PROSER3: variants seen among roughly 807,000 people sequenced by gnomAD.
PROSER3 encodes proline and serine-rich protein 3.
A neutral mutation model predicts 50.2 loss-of-function variants in PROSER3; 33 were observed. The ratio of observed to expected loss-of-function variants is 0.66; its 90% CI spans 0.50 to 0.88. The LOEUF (loss-of-function observed/expected upper bound fraction) is 0.88, where lower values mean the gene tolerates loss of function less well. Among genes scored for constraint, PROSER3 ranks in the 40% least tolerant of loss-of-function variants. The pLI, the probability that PROSER3 is intolerant of heterozygous loss-of-function variation, is 0.00. For synonymous variants in PROSER3, 266 were observed against 259.3 expected (o/e 1.03, Z -0.25); for missense variants, 623 against 612.7 (o/e 1.02, Z -0.18).
At chr19:35,758,487 G>A (rs1042676098) in intron 1 of PROSER3, 1 of 407,074 alleles carries the variant, frequency 2.5e-6, no homozygotes, top group African/African-American at 2.1e-5. Flanking sequence ...AGAAAGGCTT[G>A]AGATCTGAAT....
At chr19:35,761,592 C>T (rs2050706455) in intron 3 of PROSER3, among the ~76,000 whole-genome samples, 1 of 152,026 alleles carries the variant, frequency 6.6e-6, no homozygotes, top group Admixed American at 6.6e-5. Flanking sequence ...AACCAGGAGG[C>T]AGAGGTTGCA....
In PROSER3 at chr19:35,763,760, C is replaced by T. The variant is rs571316229; in HGVS notation, c.544-1094C>T. ...TGACCTTGTGATCCACCCACCTCGGCCTCCCAAAGTGCTAGGATTACAGGC... is the reference window on the plus strand; with the variant it reads ...TGACCTTGTGATCCACCCACCTCGGTCTCCCAAAGTGCTAGGATTACAGGC... On this transcript the variant is annotated intron_variant, in intron 5 of 10. Coordinates refer to ENST00000396908, the Ensembl canonical transcript of PROSER3. 5.3e-5 allele frequency among the ~76,000 whole-genome samples: 8 copies of T among 151,688 alleles called. No homozygotes were observed. The South Asian group carries it at 1.7e-3, about 32-fold the overall frequency.
rs1168929784 is a variant in PROSER3, at chr19:35,764,867, G to A, written c.557G>A (p.Trp186Ter). ...GTCACCCTGCAGAACCTCCACACAT[G>A]GAACTCATCCCTGCTGGACCTGGAG... is the stretch of plus-strand genomic sequence containing the variant. Residue 186 changes from tryptophan to a stop codon, truncating the protein, a stop_gained, in exon 6 of 11, where the codon TGG becomes TAG. Coordinates refer to ENST00000396908, the Ensembl canonical transcript of PROSER3. LOFTEE classifies it high-confidence loss of function. 6.2e-7 allele frequency: 1 copy of A among 1,613,540 alleles called. No homozygotes were observed. The highest frequency in any genetic ancestry group is 8.5e-7 in the Non-Finnish European group (1 of 1,179,748).
chr19:35,764,659 A>T (rs1328153220), intron 5 of PROSER3, among the ~76,000 whole-genome samples, 195 bp from the exon 6 acceptor site: 1 of 151,884 alleles, frequency 6.6e-6, no homozygotes, highest in Non-Finnish European at 1.5e-5. Context: ...AATCTCAAAA[A>T]AAAAAAGAAA....
intron 3 of PROSER3, 62 bp from the exon 4 acceptor site, chr19:35,761,957 T>A: frequency 6.7e-7 from 1 of 1,493,478 alleles, no homozygotes. Context: ...GCTGCTATAA[T>A]TATTCTTATT....
exon 3 of PROSER3, chr19:35,759,857 C>A: frequency 6.3e-7 from 1 of 1,581,434 alleles, no homozygotes; most frequent in Non-Finnish European, 8.6e-7. Context: ...CCACAGGTCC[C>A]AACTCCCCTG....
chr19:35,759,603 C>T, intron 2 of PROSER3, 133 bp downstream of exon 2: 2 of 1,017,016 alleles, frequency 2.0e-6, no homozygotes, highest in South Asian at 3.1e-5. Flanking sequence ...CTCCCCACGG[C>T]CCTGCCCTTG....
exon 5 of PROSER3, chr19:35,762,267 C>A: frequency 6.2e-7 from 1 of 1,611,826 alleles, no homozygotes; most frequent in East Asian, 2.2e-5. Flanking sequence ...AGCCAACAAA[C>A]CAGAAGGAAG....
chr19:35,762,427 G>A (rs1326066751), intron 5 of PROSER3, 71 bp downstream of exon 5: 2 of 1,395,134 alleles, frequency 1.4e-6, no homozygotes, highest in Admixed American at 4.0e-5. Context: ...AGAATTAGAA[G>A]ATCAGGAGCA....
chr19:35,759,643 C>T (rs866009234), intron 2 of PROSER3, 146 bp from the exon 3 acceptor site: 1 of 999,914 alleles, frequency 1.0e-6, no homozygotes, highest in Middle Eastern at 2.1e-4. Context: ...GATTCCCCAT[C>T]TGAGCCCCCA....
rs1175182614 is a variant in PROSER3 at position 35,762,365 on chromosome 19, C to G, written c.543+9C>G. ...TTCAGGAAATAAAGCAGGTGACATC[C>G]CCATTCACTCCCTCCCTTGGGTGCC... On this transcript the variant is annotated intron_variant, in intron 5 of 10. Coordinates refer to ENST00000396908, the Ensembl canonical transcript of PROSER3. The G allele has an allele frequency of 6.3e-7, 1 of 1,581,636 alleles. No individual in the cohort carries two copies. The highest frequency in any genetic ancestry group is 2.3e-5 in the East Asian group (1 of 43,348).
At chr19:35,768,304 A>G (rs1971241440) in intron 10 of PROSER3, 68 bp downstream of exon 10, 1 of 1,581,884 alleles carries the variant, frequency 6.3e-7, no homozygotes, top group Non-Finnish European at 8.6e-7. Flanking sequence ...CCGGTTAGGC[A>G]TCCAGCCCTC....
chr19:35,767,069 C>T lies in PROSER3; in HGVS notation c.957+114C>T, dbSNP rs1172492487. 9 of 1,289,108 alleles carry T rather than the reference C, an allele frequency of 7.0e-6. No homozygotes were observed. The East Asian group carries it at 7.7e-5, about 11-fold the overall frequency. The allele number at this position is 1,289,108 out of a possible 1,614,324, so 79.9% of individuals were successfully genotyped here. Reference sequence around the variant, plus strand: ...GTCTCAGATCTCTCTTATCTGTCTACAGACCTCTCCTGCTCCAGTGGAGAC... The same window carrying T: ...GTCTCAGATCTCTCTTATCTGTCTATAGACCTCTCCTGCTCCAGTGGAGAC... On this transcript the variant is annotated intron_variant, in intron 8 of 10. Coordinates refer to ENST00000396908, the Ensembl canonical transcript of PROSER3.
intron 5 of PROSER3, among the ~76,000 whole-genome samples, chr19:35,763,872 G>A (rs2146595572): frequency 6.8e-6 from 1 of 147,724 alleles, no homozygotes; most frequent in Non-Finnish European, 1.5e-5. Flanking sequence ...GCACAATCAT[G>A]GCTCACTGCA....
At chr19:35,767,142 G>GGC in intron 8 of PROSER3, 1 of 731,118 alleles carries the variant, frequency 1.4e-6, no homozygotes, top group Non-Finnish European at 2.1e-6. Flanking sequence ...CTGTGGAGCA[G>GGC]TGTGGCCCAG....
chr19:35,770,196 C>T (rs570847641), downstream of PROSER3, among the ~76,000 whole-genome samples: 11 of 152,252 alleles, frequency 7.2e-5, 1 homozygote, highest in South Asian at 2.3e-3. Flanking sequence ...AGCCATCATG[C>T]CTGGCAATTT....
intron 7 of PROSER3, among the ~76,000 whole-genome samples, chr19:35,765,951 C>T (rs888877798): frequency 2.0e-5 from 3 of 152,134 alleles, no homozygotes; most frequent in African/African-American, 7.2e-5. Context: ...GCAGAGGGAA[C>T]GACAGGTGTA....
At position 35,762,233 on chromosome 19, in the gene PROSER3, C is replaced by T. The variant is rs1218157925; in HGVS notation, c.440-20C>T. The T allele has an allele frequency of 6.2e-7, 1 of 1,606,350 alleles. No individual in the cohort carries two copies. Among genetic ancestry groups the T allele is most frequent in the Non-Finnish European group, 8.5e-7 (1 of 1,173,876 alleles). ...GCAGCCACTCCTCCTGGCCCTCATA[C>T]CTCAACTGGGGCTTCTCAGCAGGAG... is the stretch of plus-strand genomic sequence containing the variant. On this transcript the variant is annotated intron_variant, in intron 4 of 10. Transcript: ENST00000396908.
chr19:35,758,964 G>A lies in PROSER3; in HGVS notation c.12-410G>A, dbSNP rs56254480. On this transcript the variant is annotated intron_variant, in intron 1 of 10. Transcript: ENST00000396908. ...TGGGATTACAGGCGTGAGCCACCAC[G>A]CCCGGCGAGCCGCGATTCTTAACCT... The A allele has an allele frequency of 1.5e-3, 245 of 168,774 alleles. 1 individual carries two copies. The highest frequency in any genetic ancestry group is 5.7e-3 in the African/African-American group (237 of 41,942). The allele number at this position is 168,774 out of a possible 1,614,324, so 10.5% of individuals were successfully genotyped here. A position where few individuals can be genotyped will look rare whatever the true frequency, so the allele number is the denominator to read the frequency against.
Sources: gnomAD v4.1 joint callset for allele counts (sites outside exome capture counted in the v4.1 genomes callset) on GRCh38, gnomAD v4.1.1 for gene constraint, MANE v1.5 for transcripts, NCBI Gene and HGNC (gene_info 2026-07-23, HGNC 2026-07-21) for gene names.